The following COL21A1 variants were observed in gnomAD, a reference collection of about 807,000 sequenced individuals.
COL21A1 encodes collagen type XXI alpha 1 chain, also known as collagen alpha-1(XXI) chain.
A neutral mutation model predicts 137.9 loss-of-function variants in COL21A1; 149 were observed. That is an observed-to-expected ratio of 1.08 (90% CI 0.95 to 1.24). The LOEUF (loss-of-function observed/expected upper bound fraction) is 1.24. Among genes scored for constraint, COL21A1 ranks in the 50% most tolerant of loss-of-function variants. The pLI is 0.00. For missense variants in COL21A1, 1,167 were observed against 1,158.4 expected, an observed-to-expected ratio of 1.01 and a Z score of -0.11; for synonymous variants, 456 against 391.5, an observed-to-expected ratio of 1.16 and a Z score of -1.95.
chr6:56,101,628 C>G, intron 16 of COL21A1, 103 bp from the exon 17 acceptor site: 1 of 793,670 alleles, frequency 1.3e-6, no homozygotes, highest in Non-Finnish European at 2.0e-6. Flanking sequence ...TAAATACAAA[C>G]AGAAAAATTA....
Position 56,097,244 on chromosome 6 carries a change from A to G in COL21A1, c.1812+4228T>C, listed in dbSNP as rs569242956. ...GAACCTCTCCTGTGTTCCCCAATCC[A>G]TTGGGCTGGAGTGGGAGAGTCTCAC... On this transcript the variant is annotated intron_variant, in intron 17 of 29. Transcript: ENST00000244728. Among the ~76,000 whole-genome samples, 4 of 152,212 alleles carry G rather than the reference A, an allele frequency of 2.6e-5. No individual in the cohort carries two copies. In the South Asian group the frequency reaches 8.3e-4, roughly 32 times the overall value.
intron 1 of COL21A1, among the ~76,000 whole-genome samples, chr6:56,357,520 T>C (rs1023836243): frequency 6.6e-6 from 1 of 152,216 alleles, no homozygotes; most frequent in African/African-American, 2.4e-5. Context: ...GATTGTGATT[T>C]CTGAAAAACA....
rs536863768 is a variant in COL21A1, at chr6:56,314,806, AAC to A, written c.-39+79163_-39+79164del. On this transcript the variant is annotated intron_variant, in intron 1 of 28. Transcript: ENST00000370819. ...TAGTGCATTCTCTAAATGGAACAAA[AAC>A]ACAGTTTCCCTTGTAATTTTGAATT... Among the ~76,000 whole-genome samples, 342 of 152,284 alleles carry A rather than the reference AAC, an allele frequency of 2.2e-3. 1 individual carries two copies. Among genetic ancestry groups the A allele is most frequent in the African/African-American group, 7.9e-3 (327 of 41,564 alleles).
intron 10 of COL21A1, among the ~76,000 whole-genome samples, chr6:56,148,710 T>C (rs2152246454): frequency 6.6e-6 from 1 of 152,298 alleles, no homozygotes; most frequent in Middle Eastern, 3.4e-3. Context: ...TTTTAATTAC[T>C]CACCCTCAAC....
intron 16 of COL21A1, among the ~76,000 whole-genome samples, chr6:56,113,541 G>A (rs144726897): frequency 5.9e-5 from 9 of 152,218 alleles, no homozygotes; most frequent in Admixed American, 2.6e-4. Context: ...AGAGCCCTTG[G>A]GCCCTGAATA....
chr6:56,165,569 A>T (rs75787275), intron 7 of COL21A1, among the ~76,000 whole-genome samples: 10,149 of 152,244 alleles, frequency 0.067, 397 homozygotes, highest in Admixed American at 0.11. Flanking sequence ...TTTAAAAGAG[A>T]TTTATCTTTC....
chr6:56,233,931 T>C (rs981077473), intron 1 of COL21A1, among the ~76,000 whole-genome samples: 1 of 151,780 alleles, frequency 6.6e-6, no homozygotes, highest in Admixed American at 6.6e-5. Flanking sequence ...AATCAGCCAT[T>C]AATAGGAAAA....
At chr6:56,185,863 T>C (rs1048908863) in intron 1 of COL21A1, among the ~76,000 whole-genome samples, 1 of 152,164 alleles carries the variant, frequency 6.6e-6, no homozygotes, top group Non-Finnish European at 1.5e-5. Context: ...CAGTAATTTC[T>C]TCCAACAATT....
intron 17 of COL21A1, chr6:56,077,974 C>G (rs1369526660): frequency 7.0e-6 from 3 of 429,614 alleles, no homozygotes; most frequent in Non-Finnish European, 1.4e-5. Context: ...CTCAGTGTCA[C>G]CACCTTAGTT....
chr6:56,358,790 C>T (rs1765897023), intron 1 of COL21A1, among the ~76,000 whole-genome samples: 1 of 152,076 alleles, frequency 6.6e-6, no homozygotes, highest in Non-Finnish European at 1.5e-5. Context: ...TCCAAATATT[C>T]TGGAAAAGTC....
chr6:56,156,737 C>T (rs1361908276), intron 10 of COL21A1, 150 bp downstream of exon 10: 3 of 669,790 alleles, frequency 4.5e-6, no homozygotes, highest in South Asian at 1.9e-5. Context: ...TAGCTCCTTT[C>T]GTTCCAACAG....
At chr6:56,151,861 A>C (rs1775354710) in intron 10 of COL21A1, among the ~76,000 whole-genome samples, 1 of 152,146 alleles carries the variant, frequency 6.6e-6, no homozygotes, top group Non-Finnish European at 1.5e-5. Flanking sequence ...TTTGGCTCCC[A>C]GGCTTGCTTG....
rs556909036 is a variant in COL21A1 at position 56,291,632 on chromosome 6, T to C, written c.-39+102339A>G. On this transcript the variant is annotated intron_variant, in intron 1 of 28. Transcript: ENST00000370819. ...GGGTGGGTTTGGAGTTGAGAGGCAA[T>C]AGCTGTAACTGGCACAGCTACTGAA... Among the ~76,000 whole-genome samples the C allele has an allele frequency of 1.6e-4, 25 of 152,278 alleles. No homozygotes were observed. The South Asian group carries it at 4.2e-3, about 25-fold the overall frequency.
chr6:56,155,064 C>A (rs560560165), intron 10 of COL21A1, among the ~76,000 whole-genome samples: 40 of 152,286 alleles, frequency 2.6e-4, no homozygotes, highest in Admixed American at 3.9e-4. Context: ...CCCTCTCCCC[C>A]CTCCCACCTT....
At chr6:56,166,354 G>A (rs755168051) in intron 7 of COL21A1, among the ~76,000 whole-genome samples, 37 of 151,960 alleles carry the variant, frequency 2.4e-4, no homozygotes, top group Non-Finnish European at 4.9e-4. Flanking sequence ...CATAGACGAC[G>A]GGGAAAAACA....
intron 1 of COL21A1, among the ~76,000 whole-genome samples, chr6:56,289,881 G>T (rs73745442): frequency 6.6e-6 from 1 of 152,020 alleles, no homozygotes; most frequent in East Asian, 1.9e-4. Context: ...AACCAGTTGC[G>T]GTTTTGGTTT....
intron 10 of COL21A1, among the ~76,000 whole-genome samples, chr6:56,147,415 G>A (rs907525677): frequency 4.0e-5 from 6 of 150,772 alleles, no homozygotes; most frequent in African/African-American, 9.8e-5. Flanking sequence ...GCCTAGAAGA[G>A]TGCCAGGAAT....
intron 1 of COL21A1, among the ~76,000 whole-genome samples, chr6:56,195,947 T>C (rs1778991807): frequency 6.6e-6 from 1 of 152,098 alleles, no homozygotes; most frequent in South Asian, 2.1e-4. Flanking sequence ...CAGGCCCTGA[T>C]GAACATGGAT....
chr6:56,385,373 C>A (rs2094016029), intron 1 of COL21A1, among the ~76,000 whole-genome samples: 1 of 152,192 alleles, frequency 6.6e-6, no homozygotes, highest in African/African-American at 2.4e-5. Flanking sequence ...GCATTCCTTT[C>A]TGGAAGCTTG....
Sources: gnomAD v4.1 joint callset for allele counts (sites outside exome capture counted in the v4.1 genomes callset) on GRCh38, gnomAD v4.1.1 for gene constraint, MANE v1.5 for transcripts, NCBI Gene and HGNC (gene_info 2026-07-23, HGNC 2026-07-21) for gene names.